The following ITGA11 variants were observed in gnomAD, a reference collection of about 807,000 sequenced individuals.
The protein encoded by ITGA11 is integrin subunit alpha 11, also known as integrin alpha-11.
A neutral mutation model predicts 141.9 loss-of-function variants in ITGA11; 97 were observed. That is an observed-to-expected ratio of 0.68 (90% CI 0.58 to 0.81). The LOEUF (loss-of-function observed/expected upper bound fraction) is 0.81, where lower values mean the gene tolerates loss of function less well. Ranked by LOEUF, ITGA11 falls within the 30% of genes least tolerant of loss-of-function variation. The probability of loss-of-function intolerance (pLI) is 0.00; values close to 1 mark genes in which losing one functional copy is unlikely to be tolerated. For missense variants in ITGA11, 1,387 were observed against 1,559.2 expected, an observed-to-expected ratio of 0.89 and a Z score of 1.86; for synonymous variants, 658 against 624.6, an observed-to-expected ratio of 1.05 and a Z score of -0.80.
chr15:68,405,024 G>T (rs1896609761), intron 1 of ITGA11, among the ~76,000 whole-genome samples: 1 of 152,180 alleles, frequency 6.6e-6, no homozygotes, highest in African/African-American at 2.4e-5. Flanking sequence ...TTTGAGGCTT[G>T]GACCCGCACA....
intron 2 of ITGA11, among the ~76,000 whole-genome samples, chr15:68,371,972 T>C (rs528000602): frequency 1.1e-4 from 17 of 152,186 alleles, no homozygotes; most frequent in African/African-American, 4.1e-4. Context: ...TGGGAGTCCA[T>C]AGTACTTCAT....
At chr15:68,401,914 G>T (rs2140411708) in intron 2 of ITGA11, among the ~76,000 whole-genome samples, 1 of 152,280 alleles carries the variant, frequency 6.6e-6, no homozygotes, top group South Asian at 2.1e-4. Context: ...TTAGCCAGAT[G>T]GTGGTGGGGT....
intron 2 of ITGA11, among the ~76,000 whole-genome samples, chr15:68,384,492 C>T (rs1037469018): frequency 1.3e-5 from 2 of 152,124 alleles, no homozygotes; most frequent in Admixed American, 6.5e-5. Context: ...CCAGTGAGGA[C>T]GAATGTCTGG....
At chr15:68,391,316 T>C (rs886163309) in intron 2 of ITGA11, among the ~76,000 whole-genome samples, 2 of 152,146 alleles carry the variant, frequency 1.3e-5, no homozygotes, top group Non-Finnish European at 2.9e-5. Flanking sequence ...GCACCATTTC[T>C]CTCCCACAAT....
Position 68,316,824 on chromosome 15 carries a change from A to C in ITGA11, c.2715+441T>G, listed in dbSNP as rs911914659. ...AATCTGGCGTCTCCCTCCCTTTCCC[A>C]GCTACTTTGCTTCTCCCTTCACATA... On this transcript the variant is annotated intron_variant, in intron 21 of 29. Transcript: ENST00000315757. Among the ~76,000 whole-genome samples, 15 of 152,146 alleles carry C rather than the reference A, an allele frequency of 9.9e-5. 1 individual carries two copies. The highest frequency in any genetic ancestry group is 3.4e-4 in the African/African-American group (14 of 41,426).
At chr15:68,419,179 T>C (rs11856272) in intron 1 of ITGA11, among the ~76,000 whole-genome samples, 111,232 of 151,984 alleles carry the variant, frequency 0.73, 40,888 homozygotes, top group Non-Finnish European at 0.76. Flanking sequence ...TGGCGGACTT[T>C]GGGGAGTGGA....
At chr15:68,361,787 C>A in intron 4 of ITGA11, 83 bp from the exon 5 acceptor site, 1 of 874,010 alleles carries the variant, frequency 1.1e-6, no homozygotes. Context: ...CCACTCCCAT[C>A]CTCCACGACC....
At chr15:68,370,807 A>G (rs1209703003) in intron 2 of ITGA11, among the ~76,000 whole-genome samples, 1 of 152,162 alleles carries the variant, frequency 6.6e-6, no homozygotes, top group African/African-American at 2.4e-5. Context: ...CTGCCTGGTG[A>G]CATGGCCCAA....
In ITGA11 at chr15:68,345,023, C is replaced by T. The variant is rs58797621; in HGVS notation, c.1131+3807G>A. On this transcript the variant is annotated intron_variant, in intron 10 of 29. Transcript: ENST00000315757. ...CTCCCTCTGCATCTTCCCCTCAAGG[C>T]CCATGGGATTACAGAGTCTTAGAGT... Among the ~76,000 whole-genome samples the T allele has an allele frequency of 1.9e-3, 286 of 152,096 alleles. 2 individuals are homozygous for T. The highest frequency in any genetic ancestry group is 6.6e-3 in the African/African-American group (274 of 41,506).
In ITGA11 at chr15:68,358,576, G is replaced by T; in HGVS notation, c.482C>A (p.Thr161Asn). 1 of 1,611,628 alleles carries T rather than the reference G, an allele frequency of 6.2e-7. No homozygotes were observed. Among genetic ancestry groups the T allele is most frequent in the Non-Finnish European group, 8.5e-7 (1 of 1,179,200 alleles). The change falls in exon 6 of 30, where the codon ACC (threonine) becomes AAC (asparagine). Residue 161 changes from threonine to asparagine, a missense_variant. Physicochemically the swap from Thr to Asn is moderately conservative, Grantham distance 65. Transcript: ENST00000315757. ...TVAPALQRCQTYMDIVIVLDG... is the reference protein window; with the variant it reads ...TVAPALQRCQNYMDIVIVLDG... ...CAGGACAATGACGATGTCCATGTAG[G>T]TCTGGCACCCTGGAAAGTGGGGACA...
chr15:68,332,001 C>A lies in ITGA11; in HGVS notation c.1628G>T (p.Gly543Val). ...DSHSYQNARFGSSIASVRDLN... is the reference protein window; with the variant it reads ...DSHSYQNARFVSSIASVRDLN... ...GTCTCGAACTGAGGCAATGGAGGAC[C>A]CAAATCGGGCATTCTGGTAACTGTG... The change falls in exon 14 of 30, where the codon GGG becomes GTG. Residue 543 changes from glycine (G) to valine (V), a missense_variant. Physicochemically the swap from Gly to Val is moderately radical, Grantham distance 109. Transcript: ENST00000315757. 1 of 1,612,146 alleles carries A rather than the reference C, an allele frequency of 6.2e-7. No individual in the cohort carries two copies. Among genetic ancestry groups the A allele is most frequent in the Admixed American group, 1.7e-5 (1 of 59,764 alleles).
Position 68,305,490 on chromosome 15 carries a change from C to T in ITGA11, c.3382-1605G>A, listed in dbSNP as rs138564770. Among the ~76,000 whole-genome samples the T allele has an allele frequency of 5.9e-5, 9 of 152,142 alleles. No individual in the cohort carries two copies. The East Asian group carries it at 1.4e-3, about 23-fold the overall frequency. Reference sequence around the variant, plus strand: ...CTATCCTCAGAACCTGGAGCCGTGCCGGGAATGTAGCAGGAGCTCAGCTAA... The same window carrying T: ...CTATCCTCAGAACCTGGAGCCGTGCTGGGAATGTAGCAGGAGCTCAGCTAA... On this transcript the variant is annotated intron_variant, in intron 28 of 29. Coordinates refer to ENST00000315757, the MANE Select transcript of ITGA11 (RefSeq NM_001004439.2). The surrounding 1 kb of genome is among the most constrained non-coding windows in gnomAD (Gnocchi z 4.6).
intron 7 of ITGA11, among the ~76,000 whole-genome samples, chr15:68,353,373 G>A (rs776814313): frequency 6.6e-6 from 1 of 152,112 alleles, no homozygotes; most frequent in African/African-American, 2.4e-5. Context: ...AGCAGGTTTC[G>A]AGCTCAAGCG....
rs746459649 is a variant in ITGA11, at chr15:68,361,719, G to A, written c.358-15C>T. The A allele has an allele frequency of 1.3e-6, 2 of 1,550,892 alleles. No homozygotes were observed. Among genetic ancestry groups the A allele is most frequent in the African/African-American group, 2.7e-5 (2 of 73,826 alleles). Reference sequence around the variant, plus strand: ...GGGCTGCAGGCCTGGGGAGGGCAGTGCAGATCCCCAGTCAGTGAGGGGACC... The same window carrying A: ...GGGCTGCAGGCCTGGGGAGGGCAGTACAGATCCCCAGTCAGTGAGGGGACC... On this transcript the variant is annotated splice_polypyrimidine_tract_variant and intron_variant, in intron 4 of 29. Transcript: ENST00000315757.
Position 68,406,240 on chromosome 15 carries a change from C to G in ITGA11, c.53-3211G>C, listed in dbSNP as rs565674379. Among the ~76,000 whole-genome samples, 3 of 152,252 alleles carry G rather than the reference C, an allele frequency of 2.0e-5. No homozygotes were observed. The East Asian group carries it at 5.8e-4, about 29-fold the overall frequency. On this transcript the variant is annotated intron_variant, in intron 1 of 29. Transcript: ENST00000315757. Reference sequence around the variant, plus strand: ...GTGAGATCCCGTCACCCCTCAGCTCCATCCCCTGTATCAATGAGTTTTCCA... The same window carrying G: ...GTGAGATCCCGTCACCCCTCAGCTCGATCCCCTGTATCAATGAGTTTTCCA...
chr15:68,328,065 G>A lies in ITGA11; in HGVS notation c.2068+31C>T, dbSNP rs1313060129. 6.3e-7 allele frequency: 1 copy of A among 1,597,232 alleles called. No homozygotes were observed. Among genetic ancestry groups the A allele is most frequent in the Non-Finnish European group, 8.5e-7 (1 of 1,171,182 alleles). ...AGGTGCAGGGGGAGACTGGAGTCTG[G>A]GGGTGGGGAGAAAGGAGGGGCCTGC... On this transcript the variant is annotated intron_variant, in intron 16 of 29. Transcript: ENST00000315757. The surrounding 1 kb of genome is among the most constrained non-coding windows in gnomAD (Gnocchi z 4.8).
At chr15:68,402,288 T>A (rs184410582) in intron 2 of ITGA11, among the ~76,000 whole-genome samples, 1 of 152,192 alleles carries the variant, frequency 6.6e-6, no homozygotes, top group Admixed American at 6.5e-5. Context: ...ACTGGGGTGA[T>A]AAAAATATTC....
chr15:68,337,278 C>A (rs553690834), intron 11 of ITGA11, among the ~76,000 whole-genome samples: 16 of 152,154 alleles, frequency 1.1e-4, no homozygotes, highest in Non-Finnish European at 2.1e-4. Flanking sequence ...GGTACCCAGG[C>A]AACTCTCTGG....
At chr15:68,364,527 T>C (rs1567145471) in intron 4 of ITGA11, among the ~76,000 whole-genome samples, 180 bp downstream of exon 4, 1 of 152,206 alleles carries the variant, frequency 6.6e-6, no homozygotes, top group African/African-American at 2.4e-5. Flanking sequence ...CGGAATGGCA[T>C]AAGCAGGGAG....
Sources: gnomAD v4.1 joint callset for allele counts (sites outside exome capture counted in the v4.1 genomes callset) on GRCh38, gnomAD v4.1.1 for gene constraint, Gnocchi (gnomAD v3.1) non-coding constraint, MANE v1.5 for transcripts, NCBI Gene and HGNC (gene_info 2026-07-23, HGNC 2026-07-21) for gene names.